The following TASP1 variants were observed in gnomAD, a reference collection of about 807,000 sequenced individuals.
The protein encoded by TASP1 is taspase 1, also known as threonine aspartase 1.
In TASP1, 16 loss-of-function variants were observed where a neutral mutation model predicts 56.6. The observed-to-expected ratio is 0.28, with a 90% CI of 0.19 to 0.43. TASP1 has a LOEUF of 0.43. TASP1 is among the 20% of genes least tolerant of loss of function. The probability of loss-of-function intolerance (pLI) is 1.00; values close to 1 mark genes in which losing one functional copy is unlikely to be tolerated. For synonymous variants in TASP1, 179 were observed against 184.2 expected (o/e 0.97, Z 0.23); for missense variants, 393 against 511.6 (o/e 0.77, Z 2.24).
chr20:13,117,410 G>T, the TASP1 span: 1 of 1,192,152 alleles, frequency 8.4e-7, no homozygotes, highest in Non-Finnish European at 1.2e-6. Flanking sequence ...AATGGCGTGT[G>T]TCAGGGAAGA....
At chr20:13,424,301 C>T (rs765611672) in intron 12 of TASP1, among the ~76,000 whole-genome samples, 1 of 152,052 alleles carries the variant, frequency 6.6e-6, no homozygotes, top group Non-Finnish European at 1.5e-5. Context: ...AATACGGTTA[C>T]ATAGAAAAAT....
chr20:13,522,983 T>C (rs79012102), intron 10 of TASP1, among the ~76,000 whole-genome samples: 2,649 of 152,266 alleles, frequency 0.017, 65 homozygotes, highest in East Asian at 0.075. Context: ...ATGTTGCTTA[T>C]AGGACTAAAG....
chr20:13,158,435 C>G, the TASP1 span, among the ~76,000 whole-genome samples: 2 of 152,160 alleles, frequency 1.3e-5, no homozygotes, highest in East Asian at 3.9e-4. Flanking sequence ...AAACGTGCTT[C>G]CTTTGGCACA....
intron 8 of TASP1, among the ~76,000 whole-genome samples, chr20:13,556,278 T>C (rs1251535697): frequency 6.6e-6 from 1 of 152,172 alleles, no homozygotes; most frequent in Non-Finnish European, 1.5e-5. Flanking sequence ...ATTTTCTGGA[T>C]ATATTCACTT....
the TASP1 span, among the ~76,000 whole-genome samples, chr20:13,361,296 C>T: frequency 4.6e-5 from 7 of 152,172 alleles, no homozygotes; most frequent in South Asian, 2.1e-4. Context: ...TCATTTCTTC[C>T]GTTCTGTTAG....
At chr20:13,440,225 T>C (rs1400360123) in intron 11 of TASP1, among the ~76,000 whole-genome samples, 1 of 152,174 alleles carries the variant, frequency 6.6e-6, no homozygotes, top group Non-Finnish European at 1.5e-5. Flanking sequence ...AATAAAGCTC[T>C]ACAAAGTCTC....
At chr20:13,193,570 C>T in the TASP1 span, among the ~76,000 whole-genome samples, 11 of 152,140 alleles carry the variant, frequency 7.2e-5, no homozygotes, top group African/African-American at 1.7e-4. Flanking sequence ...GAAATGCATT[C>T]GGTTGCAAGT....
At chr20:13,124,524 T>C in the TASP1 span, among the ~76,000 whole-genome samples, 2 of 151,452 alleles carry the variant, frequency 1.3e-5, no homozygotes, top group Non-Finnish European at 2.9e-5. Flanking sequence ...GGGAATAGTT[T>C]GAAGTGAAGG....
chr20:13,286,844 C>T, the TASP1 span, among the ~76,000 whole-genome samples: 54 of 152,334 alleles, frequency 3.5e-4, no homozygotes, highest in Admixed American at 8.5e-4. Flanking sequence ...ACAATCGCCA[C>T]GACCTGTTAT....
intron 6 of TASP1, among the ~76,000 whole-genome samples, chr20:13,576,327 GAGAAAGAAAGAAAGGA>G (rs1299543151): frequency 2.4e-5 from 3 of 122,724 alleles, no homozygotes; most frequent in Non-Finnish European, 3.5e-5. Flanking sequence ...AGAAAGAAAA[GAGAAAGAAAGAAAGGA>G]AGAAAGAAAG....
chr20:13,479,005 G>A (rs1416840672), intron 11 of TASP1, among the ~76,000 whole-genome samples: 2 of 151,986 alleles, frequency 1.3e-5, no homozygotes, highest in East Asian at 3.9e-4. Context: ...TATGTTAAGT[G>A]GAAAGCATAT....
chr20:13,459,196 A>C (rs2043961717), intron 11 of TASP1, among the ~76,000 whole-genome samples: 1 of 152,024 alleles, frequency 6.6e-6, no homozygotes, highest in Non-Finnish European at 1.5e-5. Flanking sequence ...TACTTTATTT[A>C]TGTTACCCAC....
At chr20:13,269,659 T>A in the TASP1 span, among the ~76,000 whole-genome samples, 1 of 152,192 alleles carries the variant, frequency 6.6e-6, no homozygotes, top group Non-Finnish European at 1.5e-5. Context: ...CTTGTTAAGA[T>A]CTTGCCTCAA....
the TASP1 span, among the ~76,000 whole-genome samples, chr20:13,322,596 TC>T: frequency 1.3e-5 from 2 of 152,280 alleles, no homozygotes; most frequent in African/African-American, 4.8e-5. Context: ...TTTCTCAGGA[TC>T]CCTTTTCCTG....
chr20:13,211,403 C>G, the TASP1 span, among the ~76,000 whole-genome samples: 10 of 152,232 alleles, frequency 6.6e-5, no homozygotes, highest in South Asian at 2.1e-4. Flanking sequence ...CTGAAAGTCT[C>G]AACCAAAATC....
chr20:13,398,872 CA>C (rs1165152020), intron 13 of TASP1, among the ~76,000 whole-genome samples: 1 of 152,178 alleles, frequency 6.6e-6, no homozygotes, highest in African/African-American at 2.4e-5. Context: ...CCATTTACAG[CA>C]AAGTTATTTG....
chr20:13,464,530 A>G (rs2044175279), intron 11 of TASP1, among the ~76,000 whole-genome samples: 2 of 152,196 alleles, frequency 1.3e-5, no homozygotes. Flanking sequence ...TGAATGGATA[A>G]ACAAAATGTA....
At chr20:13,425,465 T>C (rs1270500867) in intron 12 of TASP1, among the ~76,000 whole-genome samples, 1 of 152,182 alleles carries the variant, frequency 6.6e-6, no homozygotes, top group East Asian at 1.9e-4. Context: ...TATACATATA[T>C]TGTCCTCCAA....
chr20:13,164,028 A>G, the TASP1 span, among the ~76,000 whole-genome samples: 2 of 152,060 alleles, frequency 1.3e-5, no homozygotes, highest in Non-Finnish European at 2.9e-5. Context: ...AGCATTAGGT[A>G]TATCTCCTAA....
Sources: gnomAD v4.1 joint callset for allele counts (sites outside exome capture counted in the v4.1 genomes callset) on GRCh38, gnomAD v4.1.1 for gene constraint, MANE v1.5 for transcripts, NCBI Gene and HGNC (gene_info 2026-07-23, HGNC 2026-07-21) for gene names.